Variants in AGBL4 observed in about 807,000 individuals in gnomAD.
The protein encoded by AGBL4 is AGBL carboxypeptidase 4, also known as cytosolic carboxypeptidase 6.
In AGBL4, 58 loss-of-function variants were observed where a neutral mutation model predicts 66.4. The ratio of observed to expected loss-of-function variants is 0.87; its 90% CI spans 0.71 to 1.09. AGBL4 has a LOEUF of 1.09. Ranked by LOEUF, AGBL4 falls within the 50% of genes least tolerant of loss-of-function variation. AGBL4 has a pLI of 0.00. For synonymous variants in AGBL4, 234 were observed against 222.9 expected (o/e 1.05, Z -0.44); for missense variants, 579 against 631.0 (o/e 0.92, Z 0.88).
chr1:48,700,908 C>T (rs973228292), intron 6 of AGBL4, among the ~76,000 whole-genome samples: 9 of 152,178 alleles, frequency 5.9e-5, no homozygotes, highest in African/African-American at 2.2e-4. Flanking sequence ...TCTGACTCCA[C>T]TATCTTTGTT....
intron 3 of AGBL4, among the ~76,000 whole-genome samples, chr1:49,478,319 AAAG>A (rs1307763838): frequency 3.3e-5 from 5 of 151,994 alleles, no homozygotes; most frequent in African/African-American, 7.2e-5. Flanking sequence ...AGAGGAGCCA[AAAG>A]AAGAAGAAGG....
At chr1:48,611,415 C>A (rs996862545) in intron 9 of AGBL4, among the ~76,000 whole-genome samples, 19 of 152,220 alleles carry the variant, frequency 1.2e-4, no homozygotes, top group Non-Finnish European at 2.2e-4. Flanking sequence ...AGTACACTCC[C>A]TGGGTACAAG....
At chr1:49,338,576 G>A (rs1645481198) in intron 3 of AGBL4, among the ~76,000 whole-genome samples, 1 of 152,128 alleles carries the variant, frequency 6.6e-6, no homozygotes, top group Non-Finnish European at 1.5e-5. Flanking sequence ...CTCAGGCTAG[G>A]GTCTGCAGAG....
At chr1:49,595,144 A>G (rs1644827845) in intron 3 of AGBL4, among the ~76,000 whole-genome samples, 1 of 152,046 alleles carries the variant, frequency 6.6e-6, no homozygotes, top group Admixed American at 6.6e-5. Context: ...GCTGGAGTGC[A>G]GTGGCACGAT....
downstream of AGBL4, among the ~76,000 whole-genome samples, chr1:48,530,925 G>T (rs1325189621): frequency 1.3e-5 from 2 of 152,202 alleles, no homozygotes; most frequent in Admixed American, 1.3e-4. Context: ...TGCGCCCCCT[G>T]CTGGAGCCAG....
At chr1:48,917,647 T>C (rs1361294811) in intron 5 of AGBL4, among the ~76,000 whole-genome samples, 2 of 152,246 alleles carry the variant, frequency 1.3e-5, no homozygotes, top group Non-Finnish European at 2.9e-5. Flanking sequence ...ATTGTGCCTG[T>C]CCTCTCACAG....
At chr1:49,574,881 A>T (rs1421668785) in intron 3 of AGBL4, among the ~76,000 whole-genome samples, 1 of 151,986 alleles carries the variant, frequency 6.6e-6, no homozygotes, top group African/African-American at 2.4e-5. Context: ...ATACAAGCAG[A>T]AGACTTCAAG....
chr1:49,444,550 G>A (rs935529605), intron 3 of AGBL4, among the ~76,000 whole-genome samples: 1 of 150,868 alleles, frequency 6.6e-6, no homozygotes, highest in East Asian at 1.9e-4. Context: ...TTTTTTTACT[G>A]TTCTTGACTT....
chr1:48,587,139 C>CCTTTA lies in AGBL4; in HGVS notation c.1131_1132insTAAAG (p.Val378Ter). ...AAGCGACGGCCAGTTCCTGCTTTCA[C>CCTTTA]AGCGTCCCGGTTAAAGGATGTGCTG... On this transcript the variant is annotated stop_gained and frameshift_variant, in exon 11 of 14. Transcript: ENST00000371839. LOFTEE classifies it high-confidence loss of function. 6.4e-7 allele frequency: 1 copy of CCTTTA among 1,558,416 alleles called. No individual in the cohort carries two copies. The highest frequency in any genetic ancestry group is 8.7e-7 in the Non-Finnish European group (1 of 1,151,078).
chr1:49,222,003 G>A (rs980572486), intron 4 of AGBL4, among the ~76,000 whole-genome samples: 2 of 152,120 alleles, frequency 1.3e-5, no homozygotes, highest in Non-Finnish European at 2.9e-5. Context: ...TAACGGAAGG[G>A]CCTAATTCCT....
intron 7 of AGBL4, among the ~76,000 whole-genome samples, chr1:48,655,146 G>C (rs566625452): frequency 1.0e-3 from 152 of 152,254 alleles, no homozygotes; most frequent in Non-Finnish European, 2.0e-3. Context: ...AAAAGAATGA[G>C]AGAAAACAAA....
At chr1:49,515,281 GA>G (rs1200744905) in intron 3 of AGBL4, among the ~76,000 whole-genome samples, 1 of 152,108 alleles carries the variant, frequency 6.6e-6, no homozygotes, top group Non-Finnish European at 1.5e-5. Flanking sequence ...AAAGACGCAT[GA>G]AAAAATGCTC....
chr1:49,568,145 T>G (rs1644251241), intron 3 of AGBL4, among the ~76,000 whole-genome samples: 1 of 151,818 alleles, frequency 6.6e-6, no homozygotes, highest in Non-Finnish European at 1.5e-5. Context: ...GCCAGAGCAA[T>G]CAAGTAAAAG....
chr1:48,708,226 C>T (rs963167737), intron 6 of AGBL4, among the ~76,000 whole-genome samples: 1 of 152,144 alleles, frequency 6.6e-6, no homozygotes, highest in African/African-American at 2.4e-5. Context: ...AAAGAGTTGC[C>T]CTCTGCTCAG....
intron 3 of AGBL4, among the ~76,000 whole-genome samples, chr1:49,593,961 T>C (rs1644803302): frequency 6.6e-6 from 1 of 152,146 alleles, no homozygotes; most frequent in African/African-American, 2.4e-5. Flanking sequence ...ATAATATATA[T>C]GGAAGTATAT....
At chr1:49,759,968 A>G (rs1384303871) in intron 2 of AGBL4, among the ~76,000 whole-genome samples, 1 of 152,228 alleles carries the variant, frequency 6.6e-6, no homozygotes, top group Non-Finnish European at 1.5e-5. Flanking sequence ...TAAGACATGG[A>G]AAGTGACTTC....
At chr1:49,222,523 G>T (rs966982587) in intron 4 of AGBL4, among the ~76,000 whole-genome samples, 5 of 152,100 alleles carry the variant, frequency 3.3e-5, no homozygotes, top group African/African-American at 1.2e-4. Flanking sequence ...AGCTCATGTG[G>T]ATCTTCATAT....
intron 1 of AGBL4, among the ~76,000 whole-genome samples, chr1:49,897,471 G>A (rs1309725679): frequency 2.6e-5 from 4 of 151,740 alleles, no homozygotes; most frequent in African/African-American, 4.8e-5. Flanking sequence ...CAAAAAAGTG[G>A]AAAAATATTA....
At chr1:49,149,585 G>A (rs1646286404) in intron 4 of AGBL4, among the ~76,000 whole-genome samples, 2 of 152,104 alleles carry the variant, frequency 1.3e-5, no homozygotes, top group Non-Finnish European at 2.9e-5. Flanking sequence ...AATTCCTAAT[G>A]GTACATTTAA....
Sources: allele counts gnomAD v4.1 joint callset (sites outside exome capture counted in the v4.1 genomes callset), GRCh38; gene constraint gnomAD v4.1.1; transcripts MANE v1.5; gene names NCBI Gene and HGNC (gene_info 2026-07-23, HGNC 2026-07-21).